Variants in SIPA1L3 observed in about 807,000 individuals in gnomAD.
The protein encoded by SIPA1L3 is signal induced proliferation associated 1 like 3, also known as signal-induced proliferation-associated 1-like protein 3.
SIPA1L3 carries 59 observed loss-of-function variants against 150.1 expected under a neutral mutation model. The ratio of observed to expected loss-of-function variants is 0.39; its 90% CI spans 0.32 to 0.49. The LOEUF is 0.49. SIPA1L3 is among the 20% of genes least tolerant of loss of function. The pLI, the probability that SIPA1L3 is intolerant of heterozygous loss-of-function variation, is 0.86. For missense variants in SIPA1L3, 2,211 were observed against 2,489.5 expected (o/e 0.89, Z 2.38); for synonymous variants, 1,070 against 1,077.6 (o/e 0.99, Z 0.14).
intron 4 of SIPA1L3, among the ~76,000 whole-genome samples, chr19:38,095,155 C>T (rs1344433663): frequency 6.6e-6 from 1 of 152,178 alleles, no homozygotes; most frequent in Non-Finnish European, 1.5e-5. Flanking sequence ...AAACATTTAA[C>T]ACACATCTAC....
intron 4 of SIPA1L3, among the ~76,000 whole-genome samples, chr19:38,098,998 TC>T (rs563019701): frequency 6.6e-6 from 1 of 152,136 alleles, no homozygotes; most frequent in Non-Finnish European, 1.5e-5. Flanking sequence ...CTTCTCTCTT[TC>T]CTACCCTCCC....
intron 9 of SIPA1L3, among the ~76,000 whole-genome samples, chr19:38,125,491 T>C (rs959291470): frequency 1.3e-5 from 2 of 152,060 alleles, no homozygotes; most frequent in Admixed American, 1.3e-4. Context: ...CCCCCGTGCC[T>C]ACTGTTGGCG....
chr19:38,091,971 G>A (rs965949984), intron 4 of SIPA1L3, among the ~76,000 whole-genome samples: 1 of 151,692 alleles, frequency 6.6e-6, no homozygotes, highest in African/African-American at 2.4e-5. Context: ...GGCTGAGGCA[G>A]GAGAATCGCT....
intron 1 of SIPA1L3, among the ~76,000 whole-genome samples, chr19:37,968,010 A>G (rs765873963): frequency 6.9e-6 from 1 of 144,234 alleles, no homozygotes; most frequent in Non-Finnish European, 1.5e-5. Flanking sequence ...TTCCTGTCAC[A>G]TAGTAAGTGC....
At chr19:37,976,921 A>G (rs1464100663) in intron 1 of SIPA1L3, among the ~76,000 whole-genome samples, 2 of 152,038 alleles carry the variant, frequency 1.3e-5, no homozygotes, top group Non-Finnish European at 2.9e-5. Context: ...TGCAGCCTCA[A>G]CCTCTTGGGT....
chr19:37,938,402 T>C (rs2046620880), intron 1 of SIPA1L3, among the ~76,000 whole-genome samples: 2 of 152,234 alleles, frequency 1.3e-5, no homozygotes, highest in Admixed American at 1.3e-4. Flanking sequence ...AGCTGCTCTT[T>C]AAACATCCCA....
intron 1 of SIPA1L3, among the ~76,000 whole-genome samples, chr19:37,941,251 A>G (rs2046654809): frequency 6.6e-6 from 1 of 152,108 alleles, no homozygotes; most frequent in South Asian, 2.1e-4. Context: ...GCTCAGAGCC[A>G]TTATTTCATT....
chr19:38,107,324 C>A (rs1293685390), intron 7 of SIPA1L3, among the ~76,000 whole-genome samples: 2 of 152,194 alleles, frequency 1.3e-5, no homozygotes, highest in African/African-American at 4.8e-5. Context: ...GAGGCTCATG[C>A]CCAACCCTAG....
intron 2 of SIPA1L3, among the ~76,000 whole-genome samples, chr19:38,071,235 A>G (rs1219783007): frequency 2.6e-5 from 4 of 151,540 alleles, no homozygotes; most frequent in African/African-American, 4.9e-5. Flanking sequence ...CTATCTATCT[A>G]TCTATCTATC....
chr19:38,070,313 G>A (rs544513897), intron 2 of SIPA1L3, among the ~76,000 whole-genome samples: 7 of 152,034 alleles, frequency 4.6e-5, no homozygotes, highest in African/African-American at 1.5e-4. Context: ...GGGCTCAAGC[G>A]ATCCTCCCAC....
chr19:38,124,165 C>T (rs190031160), intron 9 of SIPA1L3, among the ~76,000 whole-genome samples: 4,042 of 150,104 alleles, frequency 0.027, 191 homozygotes, highest in African/African-American at 0.094. Flanking sequence ...ACTTCCCAGA[C>T]GGGGTGGTTG....
intron 7 of SIPA1L3, chr19:38,109,978 C>T: frequency 6.6e-6 from 3 of 456,936 alleles, no homozygotes; most frequent in Non-Finnish European, 1.2e-5. Context: ...GAAGAATGTT[C>T]CTAGCAGAGG....
chr19:37,935,600 C>G (rs945933527), intron 1 of SIPA1L3, among the ~76,000 whole-genome samples: 2 of 152,128 alleles, frequency 1.3e-5, no homozygotes, highest in Admixed American at 1.3e-4. Context: ...TATGTGGCTG[C>G]AGTCAGAGGG....
intron 15 of SIPA1L3, among the ~76,000 whole-genome samples, chr19:38,175,985 A>G (rs1282678706): frequency 6.6e-6 from 1 of 152,018 alleles, no homozygotes; most frequent in African/African-American, 2.4e-5. Flanking sequence ...AGGCGGGCGG[A>G]TCATGAGGTC....
intron 2 of SIPA1L3, among the ~76,000 whole-genome samples, chr19:38,059,311 A>ATTTTTTTTTTTTTT (rs35717284): frequency 8.8e-6 from 1 of 113,930 alleles, no homozygotes; most frequent in African/African-American, 3.4e-5. Context: ...AACAGCTGAG[A>ATTTTTTTTTTTTTT]TTTTTTTTTT....
intron 8 of SIPA1L3, among the ~76,000 whole-genome samples, chr19:38,118,326 GAGACAGGAGAATCGC>G: frequency 6.6e-6 from 1 of 151,946 alleles, no homozygotes; most frequent in Non-Finnish European, 1.5e-5. Flanking sequence ...TGGGGAGGCA[GAGACAGGAGAATCGC>G]CTGAACCCAG....
Position 38,162,457 on chromosome 19 carries a change from A to C in SIPA1L3, c.3780+86A>C, listed in dbSNP as rs332863. 0.57 allele frequency: 537,562 copies of C among 935,306 alleles called. 158,606 individuals are homozygous for C. Among genetic ancestry groups the C allele is most frequent in the African/African-American group, 0.82 (51,144 of 62,358 alleles). The allele number at this position is 935,306 out of a possible 1,614,324, so 57.9% of individuals were successfully genotyped here. A position where few individuals can be genotyped will look rare whatever the true frequency, so the allele number is the denominator to read the frequency against. ...GAGCTTCACACTTGAGCACATCCTC[A>C]ACCTCTGCCACCTTCCACTCAGCAG... On this transcript the variant is annotated intron_variant, in intron 14 of 21. Transcript: ENST00000222345.
chr19:37,918,919 C>T (rs6508751), intron 1 of SIPA1L3, among the ~76,000 whole-genome samples: 61,577 of 121,484 alleles, frequency 0.51, 14,056 homozygotes, highest in African/African-American at 0.65. Flanking sequence ...AATAAATAAA[C>T]AAACTGCTGC....
chr19:38,130,862 A>G (rs908838174), intron 10 of SIPA1L3, 90 bp downstream of exon 10: 5 of 1,405,482 alleles, frequency 3.6e-6, no homozygotes, highest in Non-Finnish European at 4.8e-6. Context: ...TTGAGGTCCC[A>G]ATAGAGGGGG....
Sources: allele counts gnomAD v4.1 joint callset (sites outside exome capture counted in the v4.1 genomes callset), GRCh38; gene constraint gnomAD v4.1.1; transcripts MANE v1.5; gene names NCBI Gene and HGNC (gene_info 2026-07-23, HGNC 2026-07-21).